The following TUNAR variants were observed in gnomAD, a reference collection of about 807,000 sequenced individuals.
The protein encoded by TUNAR is protein TUNAR.
chr14:95,918,246 C>T (rs1566792765), intron 2 of TUNAR, among the ~76,000 whole-genome samples: 1 of 152,180 alleles, frequency 6.6e-6, no homozygotes, highest in Admixed American at 6.5e-5. Context: ...AAGCATCTAT[C>T]CACTGAGTTG....
intron 2 of TUNAR, among the ~76,000 whole-genome samples, chr14:95,877,969 G>C (rs1176710931): frequency 6.6e-6 from 1 of 152,240 alleles, no homozygotes; most frequent in African/African-American, 2.4e-5. Flanking sequence ...GGTTCCTCCT[G>C]TGTGCCCAGC....
intron 2 of TUNAR, among the ~76,000 whole-genome samples, chr14:95,894,944 G>A (rs1237740143): frequency 6.6e-6 from 1 of 152,182 alleles, no homozygotes; most frequent in Non-Finnish European, 1.5e-5. Context: ...AGGGCACTGC[G>A]GGATGGAGTG....
At chr14:95,899,871 T>C (rs146139804) in intron 2 of TUNAR, among the ~76,000 whole-genome samples, 264 of 152,332 alleles carry the variant, frequency 1.7e-3, no homozygotes, top group African/African-American at 5.9e-3. Context: ...ATTTAGATCA[T>C]AGCAGTGCAA....
chr14:95,881,428 C>G (rs1888975826), intron 2 of TUNAR, among the ~76,000 whole-genome samples: 1 of 152,184 alleles, frequency 6.6e-6, no homozygotes, highest in Non-Finnish European at 1.5e-5. Flanking sequence ...GGAGTTGTCG[C>G]TAGGCTGCTC....
At chr14:95,919,518 A>G (rs1889657482) in intron 2 of TUNAR, among the ~76,000 whole-genome samples, 1 of 151,662 alleles carries the variant, frequency 6.6e-6, no homozygotes, top group African/African-American at 2.4e-5. Context: ...AGACCAGCCT[A>G]GCAACATAGT....
intron 2 of TUNAR, among the ~76,000 whole-genome samples, chr14:95,896,868 GC>G (rs1365413317): frequency 1.3e-5 from 2 of 152,190 alleles, no homozygotes; most frequent in East Asian, 3.9e-4. Context: ...CCTCACCACA[GC>G]CCTCCATATT....
At chr14:95,914,037 T>G (rs1889562576) in intron 2 of TUNAR, among the ~76,000 whole-genome samples, 1 of 152,176 alleles carries the variant, frequency 6.6e-6, no homozygotes, top group Non-Finnish European at 1.5e-5. Flanking sequence ...AGCCCCTAGG[T>G]GGACTTTATA....
chr14:95,892,923 G>T lies in TUNAR; in HGVS notation c.12+15746G>T, dbSNP rs149861760. On this transcript the variant is annotated intron_variant, in intron 2 of 2. Transcript: ENST00000678517. ...GCACCTCGATATGTCTGGCGGTGCAGGGATAGGTGGCCATGTAACCCCAGT... is the reference window on the plus strand; with the variant it reads ...GCACCTCGATATGTCTGGCGGTGCATGGATAGGTGGCCATGTAACCCCAGT... Among the ~76,000 whole-genome samples, 93 of 152,322 alleles carry T rather than the reference G, an allele frequency of 6.1e-4. 1 individual carries two copies. In the East Asian group the frequency reaches 0.014, roughly 23 times the overall value.
At chr14:95,882,618 A>C (rs1424724748) in intron 2 of TUNAR, among the ~76,000 whole-genome samples, 2 of 152,138 alleles carry the variant, frequency 1.3e-5, no homozygotes, top group Non-Finnish European at 2.9e-5. Flanking sequence ...CCTGACTCCC[A>C]AGGTCAGGTG....
intron 2 of TUNAR, among the ~76,000 whole-genome samples, chr14:95,884,674 T>C (rs1889044300): frequency 6.6e-6 from 1 of 152,182 alleles, no homozygotes; most frequent in Non-Finnish European, 1.5e-5. Context: ...ACTGCAACCC[T>C]CTTGGGCTGG....
chr14:95,902,170 T>C (rs1889365469), intron 2 of TUNAR, among the ~76,000 whole-genome samples: 1 of 152,210 alleles, frequency 6.6e-6, no homozygotes. Flanking sequence ...ATTTTTCCAG[T>C]GTAGCACCTT....
chr14:95,924,095 T>C (rs1228758129), exon 3 of TUNAR: 1 of 152,084 alleles, frequency 6.6e-6, no homozygotes, highest in Non-Finnish European at 1.5e-5. Flanking sequence ...ACCGCGAGAG[T>C]TGGGAAGAAC....
At chr14:95,914,095 A>G (rs1279955408) in intron 2 of TUNAR, among the ~76,000 whole-genome samples, 1 of 152,250 alleles carries the variant, frequency 6.6e-6, no homozygotes, top group Non-Finnish European at 1.5e-5. Context: ...ACAGTAACCA[A>G]TTGACAGCCT....
At chr14:95,883,340 G>A (rs1020471628) in intron 2 of TUNAR, among the ~76,000 whole-genome samples, 46 of 152,240 alleles carry the variant, frequency 3.0e-4, no homozygotes, top group African/African-American at 1.1e-3. Flanking sequence ...CAGGCATGGA[G>A]CTGTCTCCTC....
intron 2 of TUNAR, among the ~76,000 whole-genome samples, chr14:95,886,330 C>T (rs151122465): frequency 1.3e-5 from 2 of 152,328 alleles, no homozygotes; most frequent in East Asian, 3.9e-4. Context: ...TCAGCAGGGC[C>T]AGTGACTTTT....
chr14:95,880,842 G>T (rs990994808), intron 2 of TUNAR, among the ~76,000 whole-genome samples: 1 of 152,132 alleles, frequency 6.6e-6, no homozygotes, highest in Non-Finnish European at 1.5e-5. Flanking sequence ...GATAGAGAGG[G>T]CATGAGAAAG....
intron 2 of TUNAR, among the ~76,000 whole-genome samples, chr14:95,878,502 A>G (rs190742586): frequency 6.6e-6 from 1 of 152,298 alleles, no homozygotes; most frequent in Admixed American, 6.5e-5. Context: ...CTGTTAGTAA[A>G]GAGCAAGGGT....
At chr14:95,881,304 T>A (rs1314992048) in intron 2 of TUNAR, among the ~76,000 whole-genome samples, 1 of 152,178 alleles carries the variant, frequency 6.6e-6, no homozygotes, top group Non-Finnish European at 1.5e-5. Context: ...CCTAACAGGG[T>A]TAGTGCTGGT....
intron 2 of TUNAR, among the ~76,000 whole-genome samples, chr14:95,911,336 T>G (rs4905404): frequency 0.2 from 30,317 of 152,194 alleles, 3,818 homozygotes; most frequent in African/African-American, 0.35. Flanking sequence ...CCTCCTATCT[T>G]GTGGAGACAG....
Sources: allele counts gnomAD v4.1 joint callset (sites outside exome capture counted in the v4.1 genomes callset), GRCh38; gene constraint gnomAD v4.1.1; transcripts MANE v1.5; gene names NCBI Gene and HGNC (gene_info 2026-07-23, HGNC 2026-07-21).